Variants in SHISA9 observed in about 807,000 individuals in gnomAD.
The protein encoded by SHISA9 is protein shisa-9.
SHISA9 carries 13 observed loss-of-function variants against 38.0 expected under a neutral mutation model. The observed-to-expected ratio is 0.34, with a 90% CI of 0.22 to 0.54. The LOEUF is 0.54. Among genes scored for constraint, SHISA9 ranks in the 20% least tolerant of loss-of-function variants. The probability of loss-of-function intolerance (pLI) is 0.91; values close to 1 mark genes in which losing one functional copy is unlikely to be tolerated. For synonymous variants in SHISA9, 275 were observed against 242.0 expected (o/e 1.14, Z -1.27); for missense variants, 538 against 575.8 (o/e 0.93, Z 0.67).
chr16:13,353,980 G>A, the SHISA9 span, among the ~76,000 whole-genome samples: 1 of 151,238 alleles, frequency 6.6e-6, no homozygotes, highest in African/African-American at 2.4e-5. Context: ...GACTGCGGTG[G>A]CCTTCTCACA....
intron 2 of SHISA9, among the ~76,000 whole-genome samples, chr16:12,977,544 T>C (rs921294856): frequency 6.6e-6 from 1 of 152,096 alleles, no homozygotes; most frequent in Non-Finnish European, 1.5e-5. Context: ...CTATTCACAA[T>C]AGCAAAGACA....
At chr16:13,434,419 G>GTTTTTTATTTTTTTTTTTTTTTTTTTTT in the SHISA9 span, among the ~76,000 whole-genome samples, 1 of 64,566 alleles carries the variant, frequency 1.5e-5, no homozygotes, top group Non-Finnish European at 3.2e-5. Flanking sequence ...GACAAGCTAT[G>GTTTTTTATTTTTTTTTTTTTTTTTTTTT]TTTTTTTTTT....
the SHISA9 span, among the ~76,000 whole-genome samples, chr16:13,357,879 C>T: frequency 6.6e-6 from 1 of 152,024 alleles, no homozygotes; most frequent in African/African-American, 2.4e-5. Flanking sequence ...AAGGTAATGT[C>T]ATCAGTTAAG....
the SHISA9 span, among the ~76,000 whole-genome samples, chr16:13,320,098 C>T: frequency 6.6e-6 from 1 of 151,666 alleles, no homozygotes; most frequent in South Asian, 2.1e-4. Flanking sequence ...CGAGACCATC[C>T]TGGCCAACAT....
intron 2 of SHISA9, among the ~76,000 whole-genome samples, chr16:13,007,969 T>C (rs759021232): frequency 1.4e-4 from 22 of 152,124 alleles, no homozygotes; most frequent in Non-Finnish European, 3.1e-4. Context: ...CCTTATTTCT[T>C]CTACTCTCCT....
At chr16:13,142,074 T>C (rs1437973774) in intron 2 of SHISA9, among the ~76,000 whole-genome samples, 1 of 152,186 alleles carries the variant, frequency 6.6e-6, no homozygotes, top group Admixed American at 6.5e-5. Context: ...TGAAACAACA[T>C]TACAGTGTCC....
chr16:13,049,153 A>AGTGTCTGTGTGTGTGTGTGTGTGT (rs1325522183), intron 2 of SHISA9, among the ~76,000 whole-genome samples: 1 of 138,406 alleles, frequency 7.2e-6, no homozygotes, highest in Non-Finnish European at 1.6e-5. Flanking sequence ...TTTGGTTAGG[A>AGTGTCTGTGTGTGTGTGTGTGTGT]GTATGTGTGT....
At chr16:13,007,706 C>G (rs2072616351) in intron 2 of SHISA9, among the ~76,000 whole-genome samples, 1 of 152,220 alleles carries the variant, frequency 6.6e-6, no homozygotes, top group African/African-American at 2.4e-5. Flanking sequence ...ACTGTTCCTT[C>G]AGCATGCCTG....
At chr16:12,966,273 C>T (rs2071976724) in intron 2 of SHISA9, among the ~76,000 whole-genome samples, 1 of 152,190 alleles carries the variant, frequency 6.6e-6, no homozygotes, top group African/African-American at 2.4e-5. Flanking sequence ...CCTAATCCTA[C>T]CCTTGGCCTT....
chr16:13,044,352 C>T (rs551779992), intron 2 of SHISA9, among the ~76,000 whole-genome samples: 16 of 152,320 alleles, frequency 1.1e-4, no homozygotes, highest in African/African-American at 3.1e-4. Context: ...GTTCCAGCCC[C>T]GCCACTTACT....
At chr16:13,032,575 T>C (rs886602877) in intron 2 of SHISA9, among the ~76,000 whole-genome samples, 1 of 152,258 alleles carries the variant, frequency 6.6e-6, no homozygotes, top group African/African-American at 2.4e-5. Flanking sequence ...CAGTAATTTT[T>C]AGAAATGTGT....
At chr16:12,973,664 T>G (rs1019679305) in intron 2 of SHISA9, among the ~76,000 whole-genome samples, 1 of 152,214 alleles carries the variant, frequency 6.6e-6, no homozygotes, top group Non-Finnish European at 1.5e-5. Context: ...TGTAACACAT[T>G]GAACTTTTCC....
chr16:13,479,830 C>T, the SHISA9 span, among the ~76,000 whole-genome samples: 14 of 152,284 alleles, frequency 9.2e-5, no homozygotes, highest in African/African-American at 3.4e-4. Flanking sequence ...GTCAGGGATT[C>T]CCATGTGTGT....
At chr16:13,032,747 CT>C (rs947451086) in intron 2 of SHISA9, among the ~76,000 whole-genome samples, 1 of 152,096 alleles carries the variant, frequency 6.6e-6, no homozygotes, top group Non-Finnish European at 1.5e-5. Flanking sequence ...AATTATGACT[CT>C]TGATTGTTGC....
intron 2 of SHISA9, among the ~76,000 whole-genome samples, chr16:13,062,149 T>C (rs1003726866): frequency 4.6e-5 from 7 of 152,004 alleles, no homozygotes; most frequent in Non-Finnish European, 1.5e-5. Context: ...GGTGGCATTT[T>C]AGTGGAAGTA....
intron 3 of SHISA9, among the ~76,000 whole-genome samples, chr16:13,209,405 A>G (rs898447937): frequency 6.6e-6 from 1 of 152,170 alleles, no homozygotes; most frequent in African/African-American, 2.4e-5. Context: ...CAAGCAAACA[A>G]ATGGCTTTTC....
chr16:13,210,806 G>C (rs2051111755), intron 3 of SHISA9, among the ~76,000 whole-genome samples: 1 of 152,168 alleles, frequency 6.6e-6, no homozygotes, highest in African/African-American at 2.4e-5. Context: ...TTAGTAAATG[G>C]CAGAGCCAAG....
chr16:13,371,255 G>A, the SHISA9 span, among the ~76,000 whole-genome samples: 6 of 152,136 alleles, frequency 3.9e-5, no homozygotes, highest in South Asian at 2.1e-4. Flanking sequence ...CAACTATTCA[G>A]TCTGCAGACA....
chr16:13,360,575 T>C, the SHISA9 span, among the ~76,000 whole-genome samples: 1 of 152,322 alleles, frequency 6.6e-6, no homozygotes, highest in African/African-American at 2.4e-5. Flanking sequence ...CCTTCCGCCA[T>C]GATTGAGGTC....
Sources: gnomAD v4.1 joint callset for allele counts (sites outside exome capture counted in the v4.1 genomes callset) on GRCh38, gnomAD v4.1.1 for gene constraint, MANE v1.5 for transcripts, NCBI Gene and HGNC (gene_info 2026-07-23, HGNC 2026-07-21) for gene names.